Variants in LRRC37A2 observed in about 807,000 individuals in gnomAD.
LRRC37A2 encodes leucine-rich repeat-containing protein 37A2.
A neutral mutation model predicts 68.8 loss-of-function variants in LRRC37A2; 9 were observed. That is an observed-to-expected ratio of 0.13 (90% CI 0.08 to 0.23). LRRC37A2 has a LOEUF of 0.23. Among genes scored for constraint, LRRC37A2 ranks in the 10% least tolerant of loss-of-function variants. The probability of loss-of-function intolerance (pLI) is 1.00; values close to 1 mark genes in which losing one functional copy is unlikely to be tolerated. For missense variants in LRRC37A2, 168 were observed against 950.4 expected (o/e 0.18, Z 10.82); for synonymous variants, 63 against 367.6 (o/e 0.17, Z 9.48).
At chr17:46,712,699 G>A in the LRRC37A2 span, among the ~76,000 whole-genome samples, 1 of 152,194 alleles carries the variant, frequency 6.6e-6, no homozygotes, top group African/African-American at 2.4e-5. Flanking sequence ...ATCACTTACA[G>A]TGAGGGTGTG....
the LRRC37A2 span, among the ~76,000 whole-genome samples, chr17:46,801,130 G>A: frequency 6.6e-6 from 1 of 152,324 alleles, no homozygotes; most frequent in South Asian, 2.1e-4. Flanking sequence ...AGAAAACCAA[G>A]GCTTGGAGAG....
the LRRC37A2 span, among the ~76,000 whole-genome samples, chr17:46,460,731 A>G: frequency 1.2e-5 from 1 of 80,294 alleles, no homozygotes; most frequent in African/African-American, 5.0e-5. Context: ...AGAGAGAATT[A>G]GTGTACTGAA....
chr17:46,751,541 T>C, the LRRC37A2 span: 1 of 1,614,098 alleles, frequency 6.2e-7, no homozygotes, highest in South Asian at 1.1e-5. Context: ...GCACCACAAT[T>C]GCACAGCAAG....
the LRRC37A2 span, among the ~76,000 whole-genome samples, chr17:46,717,524 A>G: frequency 3.3e-5 from 5 of 152,146 alleles, no homozygotes; most frequent in African/African-American, 9.7e-5. Context: ...CAGCCTGACT[A>G]ACATGGTGAA....
At chr17:46,779,845 G>C in the LRRC37A2 span, among the ~76,000 whole-genome samples, 64 of 152,210 alleles carry the variant, frequency 4.2e-4, no homozygotes, top group Middle Eastern at 3.4e-3. Context: ...TGCAACCTCT[G>C]CCTCCCAAGT....
At chr17:46,873,094 ACACACACAC>A in the LRRC37A2 span, among the ~76,000 whole-genome samples, 2 of 42,516 alleles carry the variant, frequency 4.7e-5, no homozygotes, top group African/African-American at 1.3e-4. Context: ...CTTCACACAC[ACACACACAC>A]ACACACACAC....
At chr17:46,489,360 A>G in the LRRC37A2 span, among the ~76,000 whole-genome samples, 1 of 102,172 alleles carries the variant, frequency 9.8e-6, no homozygotes, top group Admixed American at 9.6e-5. Flanking sequence ...CTGGTCTCGA[A>G]CTCCTGACCT....
chr17:46,753,585 C>CT, the LRRC37A2 span, among the ~76,000 whole-genome samples: 100 of 151,168 alleles, frequency 6.6e-4, no homozygotes, highest in Non-Finnish European at 1.4e-3. Context: ...TTGTCAGCTT[C>CT]TTTTTTTTTA....
the LRRC37A2 span, among the ~76,000 whole-genome samples, chr17:46,837,769 T>G: frequency 6.6e-6 from 1 of 152,244 alleles, no homozygotes; most frequent in African/African-American, 2.4e-5. Flanking sequence ...GGCAGAGGAC[T>G]GACCTGGTAT....
At chr17:46,721,861 A>G in the LRRC37A2 span, 5 of 1,582,808 alleles carry the variant, frequency 3.2e-6, no homozygotes, top group South Asian at 5.5e-5. Flanking sequence ...GAGTTGGCTT[A>G]GGCAGAATTC....
At chr17:46,887,670 A>G in the LRRC37A2 span, among the ~76,000 whole-genome samples, 1 of 152,284 alleles carries the variant, frequency 6.6e-6, no homozygotes, top group Non-Finnish European at 1.5e-5. Context: ...AGGCTGAGGC[A>G]GGAGAATCGC....
At chr17:46,728,473 A>G in the LRRC37A2 span, among the ~76,000 whole-genome samples, 1 of 152,082 alleles carries the variant, frequency 6.6e-6, no homozygotes, top group Non-Finnish European at 1.5e-5. Flanking sequence ...CAAAAAATTT[A>G]TAGAGCCGAG....
the LRRC37A2 span, among the ~76,000 whole-genome samples, chr17:46,871,615 C>A: frequency 6.6e-6 from 1 of 152,232 alleles, no homozygotes; most frequent in South Asian, 2.1e-4. Flanking sequence ...AATCCTCCCA[C>A]CAACCCTAGG....
the LRRC37A2 span, chr17:46,923,684 A>AT: frequency 1.3e-6 from 1 of 766,172 alleles, no homozygotes; most frequent in African/African-American, 1.8e-5. Flanking sequence ...TAAAGACCAC[A>AT]TTTTTATGGT....
the LRRC37A2 span, among the ~76,000 whole-genome samples, chr17:46,815,696 G>C: frequency 6.6e-6 from 1 of 152,170 alleles, no homozygotes; most frequent in Non-Finnish European, 1.5e-5. Context: ...AGAAGGGCCA[G>C]TGACTCTAGT....
At chr17:46,757,884 C>T in the LRRC37A2 span, among the ~76,000 whole-genome samples, 1 of 151,954 alleles carries the variant, frequency 6.6e-6, no homozygotes, top group African/African-American at 2.4e-5. Context: ...ATCCCAGCTA[C>T]TCAGGAGGCT....
At chr17:46,780,632 C>T in the LRRC37A2 span, among the ~76,000 whole-genome samples, 4 of 152,074 alleles carry the variant, frequency 2.6e-5, no homozygotes, top group Non-Finnish European at 4.4e-5. Context: ...AAAAATTAGC[C>T]GGGCGTGGTG....
chr17:46,658,216 T>C, the LRRC37A2 span, among the ~76,000 whole-genome samples: 1 of 10,250 alleles, frequency 9.8e-5, no homozygotes, highest in Non-Finnish European at 1.4e-4. Flanking sequence ...ATTTTTGTAT[T>C]TTTAGTAGAG....
chr17:46,713,665 C>G, the LRRC37A2 span, among the ~76,000 whole-genome samples: 1 of 152,140 alleles, frequency 6.6e-6, no homozygotes, highest in Non-Finnish European at 1.5e-5. Flanking sequence ...TTGAGAAATG[C>G]TAATTAGTTC....
Sources: allele counts gnomAD v4.1 joint callset (sites outside exome capture counted in the v4.1 genomes callset), GRCh38; gene constraint gnomAD v4.1.1; transcripts MANE v1.5; gene names NCBI Gene and HGNC (gene_info 2026-07-23, HGNC 2026-07-21).